The following ADGRE3 variants were observed in gnomAD, a reference collection of about 807,000 sequenced individuals.
ADGRE3 encodes EGF-like module receptor 3.
A neutral mutation model predicts 80.1 loss-of-function variants in ADGRE3; 88 were observed. That is an observed-to-expected ratio of 1.10 (90% confidence interval 0.93 to 1.31). The LOEUF (loss-of-function observed/expected upper bound fraction) is 1.31, where lower values mean the gene tolerates loss of function less well. Among genes scored for constraint, ADGRE3 ranks in the 40% most tolerant of loss-of-function variants. The probability of loss-of-function intolerance (pLI) is 0.00; values close to 1 mark genes in which losing one functional copy is unlikely to be tolerated. For missense variants in ADGRE3, 715 were observed against 776.5 expected, an observed-to-expected ratio of 0.92 and a Z score of 0.94; for synonymous variants, 281 against 294.8, an observed-to-expected ratio of 0.95 and a Z score of 0.48.
chr19:14,623,646 T>C (rs952137090), intron 15 of ADGRE3, among the ~76,000 whole-genome samples: 2 of 152,166 alleles, frequency 1.3e-5, no homozygotes, highest in African/African-American at 4.8e-5. Context: ...ATCCCTCCCC[T>C]GGAGCCTGTT....
chr19:14,606,883 TG>T, the ADGRE3 span: 16 of 392,096 alleles, frequency 4.1e-5, no homozygotes, highest in Non-Finnish European at 5.7e-5. Flanking sequence ...GGACGGGTTG[TG>T]GGAGGTGACG....
intron 6 of ADGRE3, 83 bp downstream of exon 6, chr19:14,654,899 C>G: frequency 9.2e-7 from 1 of 1,090,720 alleles, no homozygotes. Flanking sequence ...GTGGTGTATT[C>G]AATTTTTTTT....
At chr19:14,664,381 G>C (rs747045688) in intron 2 of ADGRE3, among the ~76,000 whole-genome samples, 19 of 152,278 alleles carry the variant, frequency 1.2e-4, no homozygotes, top group Admixed American at 3.9e-4. Flanking sequence ...AGGTTGCAGT[G>C]AGCCGAGATC....
chr19:14,628,744 C>A, intron 14 of ADGRE3: 1 of 340,574 alleles, frequency 2.9e-6, no homozygotes, highest in Non-Finnish European at 5.8e-6. Flanking sequence ...CTGCAGACAG[C>A]CAGTGTTACA....
chr19:14,614,736 A>G (rs1277352910), downstream of ADGRE3, among the ~76,000 whole-genome samples: 1 of 151,736 alleles, frequency 6.6e-6, no homozygotes, highest in Non-Finnish European at 1.5e-5. Flanking sequence ...CGTAATGCCC[A>G]GTGAATTTTT....
Position 14,667,640 on chromosome 19 carries a change from C to T in ADGRE3, c.76+1162G>A, listed in dbSNP as rs112352582. 8.0e-3 allele frequency among the ~76,000 whole-genome samples: 1,206 copies of T among 151,422 alleles called. 16 individuals are homozygous for T. The highest frequency in any genetic ancestry group is 0.028 in the African/African-American group (1,165 of 41,170). ...TCACTCATAGTTGGGAGTTGAACAA[C>T]GAGAACATTTGGACACAGGGTGGGG... On this transcript the variant is annotated intron_variant, in intron 2 of 15. Transcript: ENST00000253673.
chr19:14,607,658 C>G, the ADGRE3 span, among the ~76,000 whole-genome samples: 1 of 151,782 alleles, frequency 6.6e-6, no homozygotes, highest in African/African-American at 2.4e-5. Flanking sequence ...TCACTGTAAT[C>G]TCTGTCTCCC....
chr19:14,658,127 G>A (rs1444488389), intron 5 of ADGRE3, among the ~76,000 whole-genome samples: 1 of 151,936 alleles, frequency 6.6e-6, no homozygotes, highest in African/African-American at 2.4e-5. Flanking sequence ...GTGGATCCCC[G>A]CAGTTCAAAT....
At chr19:14,620,482 T>TTC (rs1970530498) in intron 15 of ADGRE3, among the ~76,000 whole-genome samples, 5 of 27,800 alleles carry the variant, frequency 1.8e-4, no homozygotes, top group African/African-American at 5.4e-4. Flanking sequence ...TATGAGTACA[T>TTC]ATGAATATAT....
intron 14 of ADGRE3, among the ~76,000 whole-genome samples, chr19:14,629,087 A>C (rs897863819): frequency 6.6e-6 from 1 of 151,416 alleles, no homozygotes; most frequent in Admixed American, 6.6e-5. Flanking sequence ...TACCCGGGTA[A>C]TTGTTTTGTA....
At chr19:14,614,931 G>A (rs2075066849), downstream of ADGRE3, among the ~76,000 whole-genome samples, 1 of 150,930 alleles carries the variant, frequency 6.6e-6, no homozygotes, top group Admixed American at 6.7e-5. Context: ...TGTCACCCAG[G>A]CTGAAGTGCA....
At chr19:14,630,282 A>AG (rs1970845989) in intron 13 of ADGRE3, 75 bp from the exon 14 acceptor site, 1 of 1,254,100 alleles carries the variant, frequency 8.0e-7, no homozygotes, top group Admixed American at 2.6e-5. Flanking sequence ...GTTAGCTGTT[A>AG]ATAGTAAGAA....
Position 14,625,604 on chromosome 19 carries a change from A to G in ADGRE3, c.1813-5T>C. 1.9e-6 allele frequency: 3 copies of G among 1,590,806 alleles called. No individual in the cohort carries two copies. The highest frequency in any genetic ancestry group is 2.6e-6 in the Non-Finnish European group (3 of 1,159,224). ...CTTTTGATATTGTTTCTGGACCTGG[A>G]ACATCAAAGGAAATACCTGGATGGG... is the stretch of plus-strand genomic sequence containing the variant. On this transcript the variant is annotated splice_region_variant and splice_polypyrimidine_tract_variant and intron_variant, in intron 14 of 15. Transcript: ENST00000253673.
intron 6 of ADGRE3, among the ~76,000 whole-genome samples, chr19:14,652,328 T>C (rs373509790): frequency 7.6e-4 from 116 of 152,228 alleles, no homozygotes; most frequent in African/African-American, 2.7e-3. Context: ...CATGAAAATA[T>C]GTATCTTAAA....
the ADGRE3 span, among the ~76,000 whole-genome samples, chr19:14,612,619 G>C: frequency 6.6e-6 from 1 of 152,272 alleles, no homozygotes; most frequent in Admixed American, 6.5e-5. Flanking sequence ...ACAGGCATGA[G>C]CCACTGTGCT....
At chr19:14,662,975 C>T (rs571314897) in intron 3 of ADGRE3, among the ~76,000 whole-genome samples, 1 of 150,248 alleles carries the variant, frequency 6.7e-6, no homozygotes, top group Admixed American at 6.6e-5. Flanking sequence ...ACTTGAGAGG[C>T]TTGATCCCAG....
intron 7 of ADGRE3, among the ~76,000 whole-genome samples, chr19:14,650,496 CTCTCTTCCCATCTG>C (rs1201944114): frequency 6.6e-6 from 1 of 151,732 alleles, no homozygotes; most frequent in African/African-American, 2.4e-5. Context: ...CTCCCCATCT[CTCTCTTCCCATCTG>C]TCTCTCCCCA....
Position 14,674,732 on chromosome 19 carries a change from A to T in ADGRE3, c.25+14T>A. 6.2e-7 allele frequency: 1 copy of T among 1,613,000 alleles called. No homozygotes were observed. The highest frequency in any genetic ancestry group is 8.5e-7 in the Non-Finnish European group (1 of 1,179,502). ...GATAGGTTAAGCCTCAGTCATTGTT[A>T]CAGTCACACATACCTGGAAGAAGCA... On this transcript the variant is annotated intron_variant, in intron 1 of 15. Transcript: ENST00000253673.
intron 11 of ADGRE3, among the ~76,000 whole-genome samples, chr19:14,635,952 T>C (rs1365675317): frequency 6.6e-6 from 1 of 151,332 alleles, no homozygotes; most frequent in African/African-American, 2.4e-5. Flanking sequence ...GACTTTCTTT[T>C]TTTGGTTTGC....
Sources: allele counts gnomAD v4.1 joint callset (sites outside exome capture counted in the v4.1 genomes callset), GRCh38; gene constraint gnomAD v4.1.1; transcripts MANE v1.5; gene names NCBI Gene and HGNC (gene_info 2026-07-23, HGNC 2026-07-21).